KLF8: variants seen among roughly 807,000 people sequenced by gnomAD.
The protein encoded by KLF8 is Krueppel-like factor 8.
KLF8 carries 10 observed loss-of-function variants against 18.2 expected under a neutral mutation model. The observed-to-expected ratio is 0.55, with a 90% CI of 0.34 to 0.93. The LOEUF is 0.93. Among genes scored for constraint, KLF8 ranks in the 40% least tolerant of loss-of-function variants. The probability of loss-of-function intolerance (pLI) is 0.02; values close to 1 mark genes in which losing one functional copy is unlikely to be tolerated. For synonymous variants in KLF8, 109 were observed against 97.3 expected (o/e 1.12, Z -0.71); for missense variants, 264 against 277.9 (o/e 0.95, Z 0.36).
At chrX:56,044,917 C>G in the KLF8 span, among the ~76,000 whole-genome samples, 1 of 112,346 alleles carries the variant, frequency 8.9e-6, no homozygotes, top group East Asian at 2.8e-4. Flanking sequence ...TAATTAAGTC[C>G]AATCTATTTT....
the KLF8 span, among the ~76,000 whole-genome samples, chrX:56,027,093 G>T: frequency 8.9e-6 from 1 of 112,772 alleles, no homozygotes. Context: ...CAGCACTACT[G>T]TGGCTCCTAG....
chrX:56,068,556 C>T, the KLF8 span, among the ~76,000 whole-genome samples: 1 of 111,065 alleles, frequency 9.0e-6, no homozygotes, highest in Admixed American at 9.6e-5. Flanking sequence ...TGTATGATTC[C>T]ACCCACTCGC....
At chrX:56,045,954 C>G in the KLF8 span, among the ~76,000 whole-genome samples, 7 of 111,653 alleles carry the variant, frequency 6.3e-5, no homozygotes, top group Non-Finnish European at 7.5e-5. Context: ...TCATCTTTTC[C>G]TTGTTCAGTA....
At chrX:55,989,823 C>T in the KLF8 span, among the ~76,000 whole-genome samples, 107 of 111,365 alleles carry the variant, frequency 9.6e-4, no homozygotes, top group Non-Finnish European at 1.7e-3. Context: ...GCTGTGAATC[C>T]ATCTGGTCCT....
chrX:55,971,751 T>C, the KLF8 span, among the ~76,000 whole-genome samples: 614 of 110,834 alleles, frequency 5.5e-3, 2 homozygotes, highest in Middle Eastern at 0.019. Flanking sequence ...GGGAAAAAGA[T>C]TTGAATAGAC....
rs1020287745 is a variant in KLF8, at chrX:56,285,035, A to C, written c.*541A>C. ...TGAGTTTGAGGCACATTCCCAGTGA[A>C]TAAGCTGAGTCCCATACCACACTCA... On this transcript the variant is annotated 3_prime_UTR_variant, in exon 6 of 6. Transcript: ENST00000468660. The C allele has an allele frequency of 1.8e-5, 2 of 112,017 alleles. No individual in the cohort carries two copies. Among genetic ancestry groups the C allele is most frequent in the South Asian group, 7.5e-4 (2 of 2,676 alleles). The allele number at this position is 112,017 out of a possible 1,213,427, so 9.2% of individuals were successfully genotyped here. A position where few individuals can be genotyped will look rare whatever the true frequency, so the allele number is the denominator to read the frequency against.
chrX:56,099,257 T>C, the KLF8 span, among the ~76,000 whole-genome samples: 1 of 111,859 alleles, frequency 8.9e-6, no homozygotes, highest in Non-Finnish European at 1.9e-5. Flanking sequence ...TCTTTGATAT[T>C]ATTATTTTAA....
At chrX:56,107,448 G>A in the KLF8 span, among the ~76,000 whole-genome samples, 1 of 111,617 alleles carries the variant, frequency 9.0e-6, no homozygotes, top group Admixed American at 9.5e-5. Flanking sequence ...CTCCTAGCCA[G>A]GCTGCAGCCT....
the KLF8 span, among the ~76,000 whole-genome samples, chrX:56,158,527 G>A: frequency 8.9e-6 from 1 of 111,739 alleles, no homozygotes; most frequent in African/African-American, 3.2e-5. Context: ...CATGAGTATG[G>A]AATGTTCTTC....
chrX:56,026,420 T>C, the KLF8 span, among the ~76,000 whole-genome samples: 2 of 111,746 alleles, frequency 1.8e-5, no homozygotes, highest in African/African-American at 3.3e-5. Context: ...TACCCGGAAG[T>C]CCTCGCAGTA....
At chrX:56,238,632 A>G (rs1367034338) in intron 1 of KLF8, among the ~76,000 whole-genome samples, 2 of 111,240 alleles carry the variant, frequency 1.8e-5, no homozygotes, top group Non-Finnish European at 3.8e-5. Context: ...CACATTACTC[A>G]TCTGGCCTAG....
the KLF8 span, among the ~76,000 whole-genome samples, chrX:55,990,326 T>C: frequency 8.9e-6 from 1 of 112,272 alleles, no homozygotes; most frequent in African/African-American, 3.2e-5. Context: ...CTGCTTTCTC[T>C]TGTGGGCATT....
chrX:55,924,848 G>GTT, the KLF8 span, among the ~76,000 whole-genome samples: 4 of 62,946 alleles, frequency 6.4e-5, no homozygotes, highest in Non-Finnish European at 9.7e-5. Flanking sequence ...TTTGTTTTTT[G>GTT]CTTTTTTTTT....
At chrX:56,211,464 T>A in the KLF8 span, among the ~76,000 whole-genome samples, 1,274 of 112,469 alleles carry the variant, frequency 0.011, 8 homozygotes, top group Non-Finnish European at 0.018. Context: ...ACTATGAATA[T>A]ACTGGGTCAC....
the KLF8 span, among the ~76,000 whole-genome samples, chrX:56,092,715 T>C: frequency 1.3e-3 from 142 of 110,600 alleles, no homozygotes; most frequent in African/African-American, 4.3e-3. Flanking sequence ...ATGTGATGCC[T>C]CCAGCTTTTT....
chrX:56,064,234 G>A, the KLF8 span, among the ~76,000 whole-genome samples: 1 of 108,019 alleles, frequency 9.3e-6, no homozygotes, highest in African/African-American at 3.4e-5. Context: ...GGACTCAGGA[G>A]GTATTATATT....
At chrX:56,077,503 C>G in the KLF8 span, among the ~76,000 whole-genome samples, 1 of 111,726 alleles carries the variant, frequency 9.0e-6, no homozygotes, top group African/African-American at 3.3e-5. Flanking sequence ...TGATCTATAT[C>G]TCTGTTTTGG....
At chrX:56,121,014 G>A in the KLF8 span, among the ~76,000 whole-genome samples, 9 of 109,565 alleles carry the variant, frequency 8.2e-5, no homozygotes, top group Non-Finnish European at 1.5e-4. Flanking sequence ...GTGAAACCCC[G>A]TCTCTACTGA....
the KLF8 span, among the ~76,000 whole-genome samples, chrX:56,078,326 A>C: frequency 1.8e-5 from 2 of 111,893 alleles, no homozygotes; most frequent in Admixed American, 1.9e-4. Context: ...ATCAATACTT[A>C]ATTTATTGAG....
Sources: gnomAD v4.1 joint callset for allele counts (sites outside exome capture counted in the v4.1 genomes callset) on GRCh38, gnomAD v4.1.1 for gene constraint, MANE v1.5 for transcripts, NCBI Gene and HGNC (gene_info 2026-07-23, HGNC 2026-07-21) for gene names.